COL19A1: variants seen among roughly 807,000 people sequenced by gnomAD.
COL19A1 encodes collagen alpha-1(XIX) chain.
COL19A1 carries 159 observed loss-of-function variants against 190.2 expected under a neutral mutation model. The observed-to-expected ratio is 0.84, with a 90% CI of 0.73 to 0.95. COL19A1 has a LOEUF of 0.95. Ranked by LOEUF, COL19A1 falls within the 40% of genes least tolerant of loss-of-function variation. The pLI is 0.00. For missense variants in COL19A1, 1,418 were observed against 1,431.9 expected, an observed-to-expected ratio of 0.99 and a Z score of 0.16; for synonymous variants, 509 against 458.9, an observed-to-expected ratio of 1.11 and a Z score of -1.39.
intron 4 of COL19A1, among the ~76,000 whole-genome samples, chr6:69,906,570 G>T (rs1770560446): frequency 6.6e-6 from 1 of 152,042 alleles, no homozygotes; most frequent in South Asian, 2.1e-4. Context: ...AAGAATGAGG[G>T]GAAATGAGGC....
At chr6:70,173,017 T>C (rs1276456109) in intron 41 of COL19A1, among the ~76,000 whole-genome samples, 2 of 152,200 alleles carry the variant, frequency 1.3e-5, no homozygotes, top group Non-Finnish European at 2.9e-5. Context: ...TTGATTGCAT[T>C]ATTAGAGAAT....
intron 4 of COL19A1, among the ~76,000 whole-genome samples, chr6:69,913,137 A>G (rs535962458): frequency 6.6e-6 from 1 of 152,270 alleles, no homozygotes; most frequent in East Asian, 1.9e-4. Flanking sequence ...TCTCTCTGTT[A>G]TCCTCAAGTT....
At chr6:69,908,714 A>G (rs568315410) in intron 4 of COL19A1, among the ~76,000 whole-genome samples, 1 of 152,308 alleles carries the variant, frequency 6.6e-6, no homozygotes, top group South Asian at 2.1e-4. Flanking sequence ...TCATTATCAA[A>G]TTTAAGTAAG....
In COL19A1 at chr6:70,096,588, A is replaced by T. The variant is rs561504907; in HGVS notation, c.1225-5581A>T. The stretch of plus-strand genomic sequence containing the variant: ...ACAAAAGGATTCTATAAGAGAAAAA[A>T]TGGGGCACAGGGATTTTCCAGTCCA... On this transcript the variant is annotated intron_variant, in intron 15 of 50. Transcript: ENST00000620364. 6.3e-4 allele frequency among the ~76,000 whole-genome samples: 96 copies of T among 152,314 alleles called. 1 individual carries two copies. The highest frequency in any genetic ancestry group is 2.3e-3 in the African/African-American group (95 of 41,564).
chr6:69,896,649 CCTCATCAACA>C (rs1769795130), intron 2 of COL19A1, among the ~76,000 whole-genome samples: 1 of 151,524 alleles, frequency 6.6e-6, no homozygotes, highest in Non-Finnish European at 1.5e-5. Context: ...TGCTCCATAT[CCTCATCAACA>C]CTTGGCATCT....
At chr6:70,167,887 A>G (rs1239009966) in intron 37 of COL19A1, 138 bp from the exon 38 acceptor site, 1 of 613,462 alleles carries the variant, frequency 1.6e-6, no homozygotes, top group Admixed American at 2.8e-5. Context: ...TACTTAGAGT[A>G]TTAAATTCCC....
intron 11 of COL19A1, among the ~76,000 whole-genome samples, chr6:69,983,956 G>A (rs539813942): frequency 6.6e-5 from 10 of 151,908 alleles, no homozygotes; most frequent in African/African-American, 9.7e-5. Flanking sequence ...AGTTATGCTA[G>A]GATCATAAAA....
At chr6:70,175,318 T>A (rs1765738142) in intron 41 of COL19A1, among the ~76,000 whole-genome samples, 1 of 152,192 alleles carries the variant, frequency 6.6e-6, no homozygotes, top group South Asian at 2.1e-4. Flanking sequence ...ACACTATATT[T>A]CTTTATGATT....
chr6:69,894,578 C>T (rs1039824727), intron 2 of COL19A1, among the ~76,000 whole-genome samples: 2 of 152,194 alleles, frequency 1.3e-5, no homozygotes, highest in Non-Finnish European at 2.9e-5. Flanking sequence ...AATTAGAGCT[C>T]TTTTGACAGG....
At chr6:69,972,526 C>G (rs909059902) in intron 11 of COL19A1, among the ~76,000 whole-genome samples, 51 of 152,072 alleles carry the variant, frequency 3.4e-4, no homozygotes, top group African/African-American at 1.1e-3. Flanking sequence ...TTTTCAGCCT[C>G]CAGAAGTATT....
intron 4 of COL19A1, among the ~76,000 whole-genome samples, chr6:69,907,425 C>T (rs570108060): frequency 7.2e-5 from 11 of 152,054 alleles, no homozygotes; most frequent in Non-Finnish European, 1.2e-4. Flanking sequence ...CCACTGCGCC[C>T]GGCTGATTTT....
At chr6:70,085,694 A>G (rs1782541493) in intron 15 of COL19A1, among the ~76,000 whole-genome samples, 1 of 152,170 alleles carries the variant, frequency 6.6e-6, no homozygotes, top group Non-Finnish European at 1.5e-5. Context: ...GTTATGGAAT[A>G]TGTCAGAAGG....
intron 11 of COL19A1, among the ~76,000 whole-genome samples, chr6:69,981,459 G>T (rs1198997989): frequency 2.0e-5 from 3 of 152,082 alleles, no homozygotes; most frequent in African/African-American, 7.2e-5. Context: ...TCCTGATTGT[G>T]CCTGTATGTA....
At position 69,953,087 on chromosome 6, in the gene COL19A1, A is replaced by G. The variant is rs1189834385; in HGVS notation, c.937-6909A>G. On this transcript the variant is annotated intron_variant, in intron 9 of 50. Transcript: ENST00000620364. Reference sequence around the variant, plus strand: ...AAACATAATTTAAAATGCCTAATGCATGTGACAATTTATTATAGAAATTGA... The same window carrying G: ...AAACATAATTTAAAATGCCTAATGCGTGTGACAATTTATTATAGAAATTGA... Among the ~76,000 whole-genome samples, 6 of 152,146 alleles carry G rather than the reference A, an allele frequency of 3.9e-5. No homozygotes were observed. In the East Asian group the frequency reaches 5.8e-4, roughly 15 times the overall value.
intron 31 of COL19A1, among the ~76,000 whole-genome samples, chr6:70,155,757 T>C (rs1787391473): frequency 6.6e-6 from 1 of 152,158 alleles, no homozygotes. Context: ...TCTTGCTGGG[T>C]TTTCTAAACT....
At chr6:70,150,901 C>T (rs1787016377) in intron 30 of COL19A1, among the ~76,000 whole-genome samples, 1 of 152,130 alleles carries the variant, frequency 6.6e-6, no homozygotes, top group Non-Finnish European at 1.5e-5. Context: ...AGCCCAAGTT[C>T]CTTCAGTGTT....
At chr6:70,048,915 T>A (rs1252418616) in intron 14 of COL19A1, among the ~76,000 whole-genome samples, 8 of 152,094 alleles carry the variant, frequency 5.3e-5, no homozygotes, top group Non-Finnish European at 1.2e-4. Context: ...ACCCATTTTA[T>A]AATTTTCTGA....
chr6:70,200,290 A>G (rs559948079), intron 49 of COL19A1, among the ~76,000 whole-genome samples: 1 of 152,344 alleles, frequency 6.6e-6, no homozygotes, highest in African/African-American at 2.4e-5. Flanking sequence ...TTAAAACCCA[A>G]CTTATATTGG....
intron 11 of COL19A1, among the ~76,000 whole-genome samples, chr6:70,020,233 A>G (rs1778343730): frequency 1.3e-5 from 2 of 152,106 alleles, no homozygotes; most frequent in South Asian, 4.1e-4. Context: ...TTGCATATTG[A>G]TGTTAACTAT....
Sources: gnomAD v4.1 joint callset for allele counts (sites outside exome capture counted in the v4.1 genomes callset) on GRCh38, gnomAD v4.1.1 for gene constraint, MANE v1.5 for transcripts, NCBI Gene and HGNC (gene_info 2026-07-23, HGNC 2026-07-21) for gene names.